The following ANKS1B variants were observed in gnomAD, a reference collection of about 807,000 sequenced individuals.
ANKS1B encodes ankyrin repeat and sterile alpha motif domain containing 1B.
A neutral mutation model predicts 148.3 loss-of-function variants in ANKS1B; 36 were observed. The observed-to-expected ratio is 0.24, with a 90% CI of 0.19 to 0.32. The LOEUF is 0.32. ANKS1B is among the 10% of genes least tolerant of loss of function. The pLI, the probability that ANKS1B is intolerant of heterozygous loss-of-function variation, is 1.00. For missense variants in ANKS1B, 1,157 were observed against 1,542.6 expected (o/e 0.75, Z 4.19); for synonymous variants, 542 against 560.8 (o/e 0.97, Z 0.47).
In ANKS1B at chr12:99,224,232, A is replaced by G. The variant is rs117103423; in HGVS notation, c.2419+20110T>C. Among the ~76,000 whole-genome samples, 668 of 152,378 alleles carry G rather than the reference A, an allele frequency of 4.4e-3. 25 individuals are homozygous for G. In the East Asian group the frequency reaches 0.085, roughly 19 times the overall value. On this transcript the variant is annotated intron_variant, in intron 14 of 26. Transcript: ENST00000683438. ...AGAATACACTGACCTCTAATTTAAAAGTAAAGAGCTTTCTGGAGAGGTAAC... is the reference window on the plus strand; with the variant it reads ...AGAATACACTGACCTCTAATTTAAAGGTAAAGAGCTTTCTGGAGAGGTAAC...
chr12:98,818,171 C>CTCTT lies in ANKS1B; in HGVS notation c.3067-10254_3067-10253insAAGA, dbSNP rs149251692. Among the ~76,000 whole-genome samples the CTCTT allele has an allele frequency of 2.3e-5, 3 of 129,210 alleles. No homozygotes were observed. The East Asian group carries it at 6.8e-4, about 29-fold the overall frequency. The allele number at this position is 129,210 out of a possible 152,430, so 84.8% of individuals were successfully genotyped here. ...TCCCTCCCTCCTTCCCTCCCTCCCT[C>CTCTT]CCTTCCTTCCTCTCTTCCTCTCTTC... On this transcript the variant is annotated intron_variant, in intron 19 of 26. Coordinates refer to ENST00000683438, the MANE Select transcript of ANKS1B (RefSeq NM_001352186.2).
intron 15 of ANKS1B, among the ~76,000 whole-genome samples, chr12:99,125,545 AC>A (rs1276388568): frequency 6.6e-6 from 1 of 152,178 alleles, no homozygotes; most frequent in Non-Finnish European, 1.5e-5. Flanking sequence ...TCTGGGCTGT[AC>A]TACTGATGAG....
At chr12:99,012,786 A>G (rs556379865) in intron 17 of ANKS1B, among the ~76,000 whole-genome samples, 1 of 152,316 alleles carries the variant, frequency 6.6e-6, no homozygotes, top group South Asian at 2.1e-4. Context: ...AATTCAGAAG[A>G]TACCTCTTGC....
chr12:99,522,207 T>C (rs1283558960), intron 9 of ANKS1B, among the ~76,000 whole-genome samples: 1 of 152,178 alleles, frequency 6.6e-6, no homozygotes, highest in Non-Finnish European at 1.5e-5. Flanking sequence ...TAGGACTGTG[T>C]TCTCTGCCTT....
intron 17 of ANKS1B, among the ~76,000 whole-genome samples, chr12:98,994,101 T>C (rs1383405156): frequency 6.6e-6 from 1 of 152,208 alleles, no homozygotes; most frequent in African/African-American, 2.4e-5. Context: ...TATATGTACA[T>C]ATATGTGGAT....
rs185745751 is a variant in ANKS1B, at chr12:99,476,659, A to G, written c.1438+27817T>C. On this transcript the variant is annotated intron_variant, in intron 10 of 26. Coordinates refer to ENST00000683438, the MANE Select transcript of ANKS1B (RefSeq NM_001352186.2). Reference sequence around the variant, plus strand: ...TAATTCAAATAAAAATGTGATATCTATTTTGCACTATCTTCACTGGAAGAA... The same window carrying G: ...TAATTCAAATAAAAATGTGATATCTGTTTTGCACTATCTTCACTGGAAGAA... Among the ~76,000 whole-genome samples the G allele has an allele frequency of 7.9e-5, 12 of 152,310 alleles. No individual in the cohort carries two copies. The East Asian group carries it at 1.5e-3, about 20-fold the overall frequency.
intron 17 of ANKS1B, among the ~76,000 whole-genome samples, chr12:99,006,917 T>G (rs766955332): frequency 9.9e-5 from 15 of 152,208 alleles, no homozygotes; most frequent in Non-Finnish European, 1.9e-4. Flanking sequence ...CTTTAACTGT[T>G]CATCTATCAG....
intron 16 of ANKS1B, among the ~76,000 whole-genome samples, chr12:99,081,021 G>A (rs1430685073): frequency 6.6e-6 from 1 of 152,138 alleles, no homozygotes; most frequent in Non-Finnish European, 1.5e-5. Flanking sequence ...TTTACAAAAG[G>A]TCAAGCATTG....
At chr12:99,057,697 C>T (rs1024833524) in intron 16 of ANKS1B, among the ~76,000 whole-genome samples, 1 of 152,202 alleles carries the variant, frequency 6.6e-6, no homozygotes, top group African/African-American at 2.4e-5. Flanking sequence ...TTCCCAGTCT[C>T]ATCAATGCTG....
At chr12:99,141,916 T>C (rs60089615) in intron 15 of ANKS1B, among the ~76,000 whole-genome samples, 7,075 of 152,096 alleles carry the variant, frequency 0.047, 562 homozygotes, top group African/African-American at 0.16. Context: ...GTTTTTCCCA[T>C]GGAGCAAGCT....
Position 98,796,713 on chromosome 12 carries a change from T to G in ANKS1B, c.3342+2221A>C, listed in dbSNP as rs149839069. Among the ~76,000 whole-genome samples, 1,320 of 152,342 alleles carry G rather than the reference T, an allele frequency of 8.7e-3. 10 individuals are homozygous for G. Among genetic ancestry groups the G allele is most frequent in the Non-Finnish European group, 0.014 (969 of 68,032 alleles). ...AGAAGTAATGAAGTTTCTATTTTCA[T>G]GTAAACTACATAAGCACCAAGAGCA... On this transcript the variant is annotated intron_variant, in intron 22 of 26. Transcript: ENST00000683438.
intron 8 of ANKS1B, among the ~76,000 whole-genome samples, chr12:99,762,881 G>A (rs1462664610): frequency 2.0e-5 from 3 of 151,792 alleles, no homozygotes; most frequent in African/African-American, 4.8e-5. Context: ...CAGTTAATAA[G>A]TATGTGAAAA....
At chr12:98,971,997 G>A (rs541185509) in intron 17 of ANKS1B, among the ~76,000 whole-genome samples, 15 of 152,118 alleles carry the variant, frequency 9.9e-5, no homozygotes, top group East Asian at 3.9e-4. Flanking sequence ...GTCAAACCCC[G>A]TCTCTACTAA....
At chr12:99,539,429 T>C (rs928140055) in intron 9 of ANKS1B, among the ~76,000 whole-genome samples, 3 of 152,148 alleles carry the variant, frequency 2.0e-5, no homozygotes, top group Admixed American at 2.0e-4. Flanking sequence ...TCAAAATAGA[T>C]TATTTTAAGT....
intron 17 of ANKS1B, among the ~76,000 whole-genome samples, chr12:98,974,707 T>C (rs902242177): frequency 6.6e-6 from 1 of 152,178 alleles, no homozygotes; most frequent in African/African-American, 2.4e-5. Context: ...GTAGGCCTCG[T>C]AGACAAATCT....
intron 17 of ANKS1B, chr12:99,048,696 T>C (rs938369045): frequency 1.3e-5 from 2 of 152,548 alleles, no homozygotes; most frequent in Non-Finnish European, 2.9e-5. Flanking sequence ...CCAGAACATA[T>C]ATGAAAGGAT....
At chr12:98,881,680 T>G (rs2099708467) in intron 17 of ANKS1B, among the ~76,000 whole-genome samples, 1 of 152,146 alleles carries the variant, frequency 6.6e-6, no homozygotes, top group Non-Finnish European at 1.5e-5. Flanking sequence ...ATAAAGGAAA[T>G]TGTACCATAA....
At chr12:98,772,335 G>A (rs1239830369) in intron 25 of ANKS1B, among the ~76,000 whole-genome samples, 4 of 152,176 alleles carry the variant, frequency 2.6e-5, no homozygotes, top group African/African-American at 7.2e-5. Flanking sequence ...TTTGGACCCA[G>A]ACATCTAAGC....
chr12:99,243,603 A>G (rs1260164984), intron 14 of ANKS1B, among the ~76,000 whole-genome samples: 1 of 152,216 alleles, frequency 6.6e-6, no homozygotes, highest in African/African-American at 2.4e-5. Context: ...CACTATTCAC[A>G]ATAGCAAAGA....
Sources: allele counts gnomAD v4.1 joint callset (sites outside exome capture counted in the v4.1 genomes callset), GRCh38; gene constraint gnomAD v4.1.1; transcripts MANE v1.5; gene names NCBI Gene and HGNC (gene_info 2026-07-23, HGNC 2026-07-21).